The following DOCK2 variants were observed in gnomAD, a reference collection of about 807,000 sequenced individuals.
DOCK2 encodes dedicator of cytokinesis 2.
A neutral mutation model predicts 248.9 loss-of-function variants in DOCK2; 87 were observed. The observed-to-expected ratio is 0.35, with a 90% CI of 0.29 to 0.42. The LOEUF (loss-of-function observed/expected upper bound fraction) is 0.42, where lower values mean the gene tolerates loss of function less well. Among genes scored for constraint, DOCK2 ranks in the 10% least tolerant of loss-of-function variants. The pLI is 1.00. For missense variants in DOCK2, 1,747 were observed against 2,300.2 expected, an observed-to-expected ratio of 0.76 and a Z score of 4.92; for synonymous variants, 805 against 821.6, an observed-to-expected ratio of 0.98 and a Z score of 0.35.
chr5:169,797,439 A>AAAAG (rs1766721134), intron 25 of DOCK2, among the ~76,000 whole-genome samples: 1 of 152,250 alleles, frequency 6.6e-6, no homozygotes, highest in South Asian at 2.1e-4. Context: ...AAATAATTGC[A>AAAAG]AAAGCACACC....
intron 34 of DOCK2, among the ~76,000 whole-genome samples, chr5:170,028,771 G>GCA (rs1561888203): frequency 4.7e-5 from 7 of 149,626 alleles, no homozygotes; most frequent in Non-Finnish European, 8.9e-5. Context: ...ACACACACGC[G>GCA]TGCGCACACA....
At chr5:170,039,451 C>T (rs1008020363) in intron 36 of DOCK2, among the ~76,000 whole-genome samples, 5 of 152,318 alleles carry the variant, frequency 3.3e-5, no homozygotes, top group South Asian at 2.1e-4. Context: ...ACAGTGCCTG[C>T]GTTTGTCACT....
At chr5:170,040,220 A>G (rs981640796) in intron 36 of DOCK2, among the ~76,000 whole-genome samples, 11 of 152,236 alleles carry the variant, frequency 7.2e-5, no homozygotes, top group Non-Finnish European at 1.6e-4. Context: ...CAGATGAGCA[A>G]ACTAAGGCAC....
intron 7 of DOCK2, among the ~76,000 whole-genome samples, chr5:169,682,342 C>A (rs575561219): frequency 2.0e-5 from 3 of 152,348 alleles, no homozygotes; most frequent in Admixed American, 2.0e-4. Context: ...TGATCTGGGA[C>A]AGGGTGTTCC....
intron 29 of DOCK2, among the ~76,000 whole-genome samples, chr5:169,992,472 T>G (rs557448604): frequency 1.3e-5 from 2 of 152,320 alleles, no homozygotes; most frequent in South Asian, 4.1e-4. Flanking sequence ...GTACAATTAT[T>G]GTTGTTGTTT....
chr5:169,723,200 C>T (rs1006841047), intron 22 of DOCK2, among the ~76,000 whole-genome samples: 2 of 152,214 alleles, frequency 1.3e-5, no homozygotes, highest in Non-Finnish European at 2.9e-5. Flanking sequence ...CAAACTCCTC[C>T]TTCACCAGCC....
intron 27 of DOCK2, among the ~76,000 whole-genome samples, chr5:169,917,138 C>G (rs919317992): frequency 6.6e-6 from 1 of 152,180 alleles, no homozygotes; most frequent in Non-Finnish European, 1.5e-5. Flanking sequence ...CAAAAGACAA[C>G]CTTTTTTAGT....
intron 27 of DOCK2, chr5:169,883,320 C>T: frequency 6.4e-7 from 1 of 1,551,580 alleles, no homozygotes; most frequent in Non-Finnish European, 8.7e-7. Context: ...TCTCTAAGGA[C>T]CTCCAAGTTC....
chr5:169,969,436 C>A (rs992338582), intron 27 of DOCK2, among the ~76,000 whole-genome samples: 1 of 152,092 alleles, frequency 6.6e-6, no homozygotes, highest in Non-Finnish European at 1.5e-5. Context: ...CAGAGTGAGG[C>A]TCCATCTCAA....
chr5:170,063,381 G>A (rs912476166), intron 44 of DOCK2, among the ~76,000 whole-genome samples: 15 of 152,324 alleles, frequency 9.8e-5, no homozygotes, highest in Non-Finnish European at 1.0e-4. Flanking sequence ...CAGAGAGATG[G>A]TTTTAAATGG....
intron 5 of DOCK2, among the ~76,000 whole-genome samples, chr5:169,674,069 G>T (rs1390334170): frequency 6.6e-6 from 1 of 152,272 alleles, no homozygotes; most frequent in East Asian, 1.9e-4. Context: ...CCTTAACCAA[G>T]AAATGATTGA....
intron 29 of DOCK2, among the ~76,000 whole-genome samples, chr5:169,993,549 TTGTGTGTG>T (rs10626609): frequency 3.3e-5 from 5 of 149,478 alleles, no homozygotes; most frequent in South Asian, 2.2e-4. Flanking sequence ...TCACATCCAT[TTGTGTGTG>T]TGTGTGTGTG....
chr5:169,656,754 T>G (rs1438280827), intron 2 of DOCK2, among the ~76,000 whole-genome samples: 2 of 152,218 alleles, frequency 1.3e-5, no homozygotes, highest in African/African-American at 2.4e-5. Flanking sequence ...TTGTATGCAG[T>G]TTCCCTGAAT....
intron 23 of DOCK2, among the ~76,000 whole-genome samples, chr5:169,758,181 G>A (rs975369654): frequency 1.3e-5 from 2 of 152,190 alleles, no homozygotes; most frequent in African/African-American, 4.8e-5. Context: ...GGTTAGAAAT[G>A]AAAAGAATCC....
rs1230686111 is a variant in DOCK2, at chr5:169,698,400, G to A, written c.1006G>A (p.Gly336Arg). 1 of 1,614,028 alleles carries A rather than the reference G, an allele frequency of 6.2e-7. No homozygotes were observed. The highest frequency in any genetic ancestry group is 1.1e-5 in the South Asian group (1 of 91,080). The change falls in exon 11 of 52, where the codon GGG becomes AGG. Residue 336 changes from glycine to arginine, a missense_variant. Gly to Arg is a moderately radical substitution (Grantham distance 125). Transcript: ENST00000520908. Reference sequence around the variant, plus strand: ...TATGGATATAACAGACATCATCAAGGGGAAAGCAGAGAGTGATGAAGAAAA... The same window carrying A: ...TATGGATATAACAGACATCATCAAGAGGAAAGCAGAGAGTGATGAAGAAAA... The part of the protein sequence containing the change: ...AVMDITDIIK[G>R]KAESDEEKQH...
intron 9 of DOCK2, 79 bp downstream of exon 9, chr5:169,689,412 T>G: frequency 6.7e-7 from 1 of 1,492,188 alleles, no homozygotes; most frequent in Admixed American, 1.7e-5. Flanking sequence ...GGTCAGGAGC[T>G]CAGGGTGAAG....
At chr5:169,852,459 G>T (rs1770666810) in intron 27 of DOCK2, among the ~76,000 whole-genome samples, 1 of 152,338 alleles carries the variant, frequency 6.6e-6, no homozygotes, top group African/African-American at 2.4e-5. Flanking sequence ...TTTGAAAGGA[G>T]TTGACAGGCT....
chr5:169,777,777 T>C (rs1765466503), intron 25 of DOCK2, among the ~76,000 whole-genome samples: 1 of 152,180 alleles, frequency 6.6e-6, no homozygotes, highest in Non-Finnish European at 1.5e-5. Flanking sequence ...GCCTGGTCCT[T>C]AGTAAGGACT....
chr5:170,021,114 A>T (rs946260324), intron 33 of DOCK2, among the ~76,000 whole-genome samples: 33 of 152,246 alleles, frequency 2.2e-4, no homozygotes, highest in Non-Finnish European at 4.0e-4. Flanking sequence ...CAGAAGGGCT[A>T]GTGGCCAGCT....
Sources: allele counts gnomAD v4.1 joint callset (sites outside exome capture counted in the v4.1 genomes callset), GRCh38; gene constraint gnomAD v4.1.1; transcripts MANE v1.5; gene names NCBI Gene and HGNC (gene_info 2026-07-23, HGNC 2026-07-21).